ZNF804B: variants seen among roughly 807,000 people sequenced by gnomAD.
ZNF804B encodes the protein zinc finger 804B.
In ZNF804B, 80 loss-of-function variants were observed where a neutral mutation model predicts 101.4. That is an observed-to-expected ratio of 0.79 (90% CI 0.66 to 0.95). The LOEUF (loss-of-function observed/expected upper bound fraction) is 0.95, where lower values mean the gene tolerates loss of function less well. Among genes scored for constraint, ZNF804B ranks in the 40% least tolerant of loss-of-function variants. The pLI is 0.00. For synonymous variants in ZNF804B, 622 were observed against 558.8 expected (o/e 1.11, Z -1.59); for missense variants, 1,673 against 1,561.9 (o/e 1.07, Z -1.20).
intron 2 of ZNF804B, among the ~76,000 whole-genome samples, chr7:89,315,741 AAC>A (rs762492754): frequency 0.021 from 3,095 of 150,622 alleles, 97 homozygotes; most frequent in African/African-American, 0.071. Flanking sequence ...CACACACACA[AAC>A]ACACACACAC....
chr7:89,069,385 A>G (rs1375037767), intron 1 of ZNF804B, among the ~76,000 whole-genome samples: 2 of 152,222 alleles, frequency 1.3e-5, no homozygotes, highest in African/African-American at 4.8e-5. Flanking sequence ...TCACACCATT[A>G]TAGAACTAAT....
chr7:89,313,208 G>A (rs1488547423), intron 2 of ZNF804B, among the ~76,000 whole-genome samples: 1 of 152,098 alleles, frequency 6.6e-6, no homozygotes, highest in Non-Finnish European at 1.5e-5. Context: ...ATTTGGTGTG[G>A]ATCAAGTCAC....
chr7:89,205,560 TG>T (rs1209528015), intron 1 of ZNF804B, among the ~76,000 whole-genome samples: 2 of 152,238 alleles, frequency 1.3e-5, no homozygotes, highest in East Asian at 3.9e-4. Flanking sequence ...CAAAATCCAG[TG>T]GGGCTGTCAA....
chr7:88,843,348 T>C (rs1383958242), intron 1 of ZNF804B, among the ~76,000 whole-genome samples: 1 of 152,172 alleles, frequency 6.6e-6, no homozygotes, highest in Non-Finnish European at 1.5e-5. Flanking sequence ...AGTAAGTAGA[T>C]CTATGGGCAT....
intron 2 of ZNF804B, among the ~76,000 whole-genome samples, chr7:89,241,266 T>A (rs1789365773): frequency 6.6e-6 from 1 of 152,096 alleles, no homozygotes; most frequent in Non-Finnish European, 1.5e-5. Flanking sequence ...GAAGCATAGG[T>A]TTTATCCCAA....
intron 1 of ZNF804B, among the ~76,000 whole-genome samples, chr7:88,782,461 AT>A (rs1490732227): frequency 6.6e-6 from 1 of 152,066 alleles, no homozygotes; most frequent in Non-Finnish European, 1.5e-5. Flanking sequence ...ATATACATAT[AT>A]GTATATACGT....
At chr7:89,090,025 A>G (rs1789859365) in intron 1 of ZNF804B, among the ~76,000 whole-genome samples, 1 of 152,116 alleles carries the variant, frequency 6.6e-6, no homozygotes, top group East Asian at 1.9e-4. Context: ...AAATAAATAG[A>G]TCTGGCCATT....
At chr7:89,100,059 A>G (rs982137788) in intron 1 of ZNF804B, among the ~76,000 whole-genome samples, 2 of 152,238 alleles carry the variant, frequency 1.3e-5, no homozygotes, top group African/African-American at 4.8e-5. Context: ...AGTGTTTCAA[A>G]CACATGTATT....
At chr7:89,276,591 G>A in intron 2 of ZNF804B, among the ~76,000 whole-genome samples, 1 of 151,826 alleles carries the variant, frequency 6.6e-6, no homozygotes, top group East Asian at 1.9e-4. Flanking sequence ...TTTTATGCAT[G>A]TTTCAAAGGG....
At chr7:88,882,881 A>G (rs1217434792) in intron 1 of ZNF804B, among the ~76,000 whole-genome samples, 1 of 152,058 alleles carries the variant, frequency 6.6e-6, no homozygotes, top group Admixed American at 6.6e-5. Context: ...GAAGGGGACA[A>G]GGGTTGAAAA....
At chr7:88,877,041 A>ATTTTT (rs1444817693) in intron 1 of ZNF804B, among the ~76,000 whole-genome samples, 1 of 43,986 alleles carries the variant, frequency 2.3e-5, no homozygotes, top group African/African-American at 1.2e-4. Context: ...ATATATATAT[A>ATTTTT]TATATATATT....
At chr7:89,279,486 GTT>G (rs1790045940) in intron 2 of ZNF804B, among the ~76,000 whole-genome samples, 1 of 150,422 alleles carries the variant, frequency 6.6e-6, no homozygotes, top group East Asian at 1.9e-4. Flanking sequence ...TTGGCTGTGG[GTT>G]TGTCATAGAT....
At chr7:89,053,962 C>G (rs1789251643) in intron 1 of ZNF804B, among the ~76,000 whole-genome samples, 1 of 152,036 alleles carries the variant, frequency 6.6e-6, no homozygotes, top group South Asian at 2.1e-4. Context: ...TTGTCACTCA[C>G]TATTCAATTA....
At chr7:89,006,274 A>G (rs1377384687) in intron 1 of ZNF804B, among the ~76,000 whole-genome samples, 3 of 152,090 alleles carry the variant, frequency 2.0e-5, no homozygotes, top group Admixed American at 6.6e-5. Context: ...AATCTTTTAG[A>G]CCAATATTTT....
chr7:89,136,723 TTGTGTGTGTGTGAG>T (rs1790639482), intron 1 of ZNF804B, among the ~76,000 whole-genome samples: 1 of 139,310 alleles, frequency 7.2e-6, no homozygotes. Flanking sequence ...TGAATTATAT[TTGTGTGTGTGTGAG>T]TGTGTGTGTG....
At chr7:89,139,835 A>G (rs1283635706) in intron 1 of ZNF804B, among the ~76,000 whole-genome samples, 1 of 152,060 alleles carries the variant, frequency 6.6e-6, no homozygotes, top group Non-Finnish European at 1.5e-5. Flanking sequence ...CTAAACTCCT[A>G]TTAATGTAGA....
chr7:89,240,281 T>A lies in ZNF804B; in HGVS notation c.249+21986T>A, dbSNP rs150084926. Among the ~76,000 whole-genome samples the A allele has an allele frequency of 2.0e-3, 308 of 152,192 alleles. 3 individuals are homozygous for A. The highest frequency in any genetic ancestry group is 6.9e-3 in the African/African-American group (287 of 41,538). On this transcript the variant is annotated intron_variant, in intron 2 of 3. Transcript: ENST00000333190. ...TTCTAGCTTGAATAAGTACTTTAGC[T>A]TCCTCAAACTCTTGTGGGTTAGGTC...
intron 2 of ZNF804B, among the ~76,000 whole-genome samples, chr7:89,226,672 T>G (rs1789094378): frequency 6.6e-6 from 1 of 152,106 alleles, no homozygotes; most frequent in Non-Finnish European, 1.5e-5. Flanking sequence ...ATGTTATATC[T>G]CATAAGTCCA....
At chr7:88,870,877 C>A (rs1239454236) in intron 1 of ZNF804B, among the ~76,000 whole-genome samples, 1 of 152,070 alleles carries the variant, frequency 6.6e-6, no homozygotes, top group African/African-American at 2.4e-5. Flanking sequence ...ACTTGGAACA[C>A]TTTTTCTGTC....
Sources: allele counts gnomAD v4.1 joint callset (sites outside exome capture counted in the v4.1 genomes callset), GRCh38; gene constraint gnomAD v4.1.1; transcripts MANE v1.5; gene names NCBI Gene and HGNC (gene_info 2026-07-23, HGNC 2026-07-21).